SLC14A2: variants seen among roughly 807,000 people sequenced by gnomAD.
SLC14A2 encodes urea transporter 2.
In SLC14A2, 91 loss-of-function variants were observed where a neutral mutation model predicts 104.6. The ratio of observed to expected loss-of-function variants is 0.87; its 90% confidence interval spans 0.73 to 1.04. The LOEUF (loss-of-function observed/expected upper bound fraction) is 1.04. SLC14A2 is among the 50% of genes least tolerant of loss of function. The pLI, the probability that SLC14A2 is intolerant of heterozygous loss-of-function variation, is 0.00. For missense variants in SLC14A2, 1,189 were observed against 1,156.0 expected (o/e 1.03, Z -0.41); for synonymous variants, 476 against 466.4 (o/e 1.02, Z -0.27).
intron 2 of SLC14A2, among the ~76,000 whole-genome samples, chr18:45,541,780 T>A (rs190462309): frequency 8.5e-5 from 13 of 152,308 alleles, no homozygotes; most frequent in African/African-American, 2.9e-4. Context: ...GCCTATGAGG[T>A]CACTGCATTG....
intron 1 of SLC14A2, among the ~76,000 whole-genome samples, chr18:45,291,922 G>A (rs575405768): frequency 3.9e-5 from 6 of 152,256 alleles, no homozygotes; most frequent in South Asian, 2.1e-4. Context: ...TCAGGAAATA[G>A]CATCTCAGAG....
At chr18:45,368,814 A>G (rs1444689821) in intron 1 of SLC14A2, among the ~76,000 whole-genome samples, 1 of 152,222 alleles carries the variant, frequency 6.6e-6, no homozygotes, top group Admixed American at 6.5e-5. Flanking sequence ...CCTGTTGGAC[A>G]CTGAAGTGTT....
intron 1 of SLC14A2, among the ~76,000 whole-genome samples, chr18:45,370,283 G>A (rs776272421): frequency 3.3e-5 from 5 of 152,106 alleles, no homozygotes; most frequent in Non-Finnish European, 7.3e-5. Flanking sequence ...TCCCCCAAGA[G>A]ACCCCAGAAG....
intron 2 of SLC14A2, among the ~76,000 whole-genome samples, chr18:45,524,394 A>G (rs981709737): frequency 2.0e-5 from 3 of 152,308 alleles, no homozygotes; most frequent in East Asian, 3.9e-4. Flanking sequence ...AAGACCCAGT[A>G]GGGTGTGAAT....
At chr18:45,314,712 T>C (rs2085111940) in intron 1 of SLC14A2, among the ~76,000 whole-genome samples, 1 of 152,198 alleles carries the variant, frequency 6.6e-6, no homozygotes, top group South Asian at 2.1e-4. Flanking sequence ...TGAGGCTGTG[T>C]AACCTGGAGA....
At position 45,454,076 on chromosome 18, in the gene SLC14A2, T is replaced by A. The variant is rs557756612; in HGVS notation, c.-124-29157T>A. 1.3e-3 allele frequency among the ~76,000 whole-genome samples: 205 copies of A among 152,172 alleles called. 5 individuals carry two copies. The South Asian group carries it at 0.017, about 13-fold the overall frequency. ...GGTTTCACCATGTTGGCCAGGCTGG[T>A]CTCCAACTCCAGACTTCATGATCCA... On this transcript the variant is annotated intron_variant, in intron 1 of 20. Coordinates refer to the SLC14A2 transcript ENST00000586448.
chr18:45,259,957 A>G (rs1402305951), intron 1 of SLC14A2, among the ~76,000 whole-genome samples: 3 of 152,140 alleles, frequency 2.0e-5, no homozygotes, highest in Non-Finnish European at 4.4e-5. Context: ...TATGGTGCTA[A>G]TGGAATGATT....
intron 1 of SLC14A2, among the ~76,000 whole-genome samples, chr18:45,392,075 T>C (rs187807563): frequency 7.2e-5 from 11 of 152,350 alleles, no homozygotes; most frequent in African/African-American, 2.4e-4. Flanking sequence ...TAGAGAAGTT[T>C]AATAACTTGT....
chr18:45,644,436 G>GA, intron 10 of SLC14A2: 1 of 331,442 alleles, frequency 3.0e-6, no homozygotes, highest in East Asian at 4.7e-5. Flanking sequence ...AAATGTTGTT[G>GA]ACTTAAAACA....
intron 1 of SLC14A2, among the ~76,000 whole-genome samples, chr18:45,424,818 A>G (rs1447674650): frequency 6.6e-6 from 1 of 152,228 alleles, no homozygotes; most frequent in African/African-American, 2.4e-5. Flanking sequence ...CCAACTTCCA[A>G]GTTTGCTATA....
At chr18:45,421,023 G>A (rs1423941007) in intron 1 of SLC14A2, among the ~76,000 whole-genome samples, 2 of 152,066 alleles carry the variant, frequency 1.3e-5, no homozygotes, top group South Asian at 2.1e-4. Flanking sequence ...ACAGACATGA[G>A]CCACCGCACC....
chr18:45,261,098 G>A (rs2084531473), intron 1 of SLC14A2, among the ~76,000 whole-genome samples: 1 of 151,194 alleles, frequency 6.6e-6, no homozygotes, highest in South Asian at 2.1e-4. Context: ...GTGCCATGTT[G>A]GTGTGCTGCA....
chr18:45,317,754 T>G (rs1201066026), intron 1 of SLC14A2, among the ~76,000 whole-genome samples: 1 of 152,178 alleles, frequency 6.6e-6, no homozygotes, highest in Non-Finnish European at 1.5e-5. Context: ...GACCCCACAC[T>G]CTGAATGCCC....
At chr18:45,651,362 G>C (rs1247450163) in intron 10 of SLC14A2, among the ~76,000 whole-genome samples, 1 of 152,164 alleles carries the variant, frequency 6.6e-6, no homozygotes, top group East Asian at 1.9e-4. Context: ...GATGAAGCTG[G>C]TTGTGTTTGG....
chr18:45,302,633 G>A (rs1214040959), intron 1 of SLC14A2, among the ~76,000 whole-genome samples: 1 of 151,930 alleles, frequency 6.6e-6, no homozygotes, highest in Non-Finnish European at 1.5e-5. Flanking sequence ...CCTGAGTTCG[G>A]GTCTTCTTTC....
intron 19 of SLC14A2, among the ~76,000 whole-genome samples, chr18:45,680,132 G>A (rs2046290513): frequency 6.6e-6 from 1 of 152,190 alleles, no homozygotes; most frequent in South Asian, 2.1e-4. Flanking sequence ...GGGAATAAGG[G>A]CATGAAGTAT....
At chr18:45,536,954 C>T (rs1000503678) in intron 2 of SLC14A2, among the ~76,000 whole-genome samples, 1 of 151,316 alleles carries the variant, frequency 6.6e-6, no homozygotes, top group African/African-American at 2.4e-5. Context: ...AGGAGAACTG[C>T]ATTTGCTAAA....
intron 1 of SLC14A2, among the ~76,000 whole-genome samples, chr18:45,323,439 C>T (rs1387938848): frequency 1.3e-5 from 2 of 152,068 alleles, no homozygotes; most frequent in Non-Finnish European, 1.5e-5. Flanking sequence ...TTTAACAAGT[C>T]TGGGAAGGAC....
At chr18:45,426,546 G>A (rs1384908261) in intron 1 of SLC14A2, among the ~76,000 whole-genome samples, 1 of 48,270 alleles carries the variant, frequency 2.1e-5, no homozygotes, top group Non-Finnish European at 3.9e-5. Flanking sequence ...AGATCAGCAT[G>A]TGTGTGTGTG....
Sources: gnomAD v4.1 joint callset for allele counts (sites outside exome capture counted in the v4.1 genomes callset) on GRCh38, gnomAD v4.1.1 for gene constraint, MANE v1.5 for transcripts, NCBI Gene and HGNC (gene_info 2026-07-23, HGNC 2026-07-21) for gene names.